LMAN2: variants seen among roughly 807,000 people sequenced by gnomAD.
LMAN2 encodes the protein vesicular integral-membrane protein VIP36.
Under a neutral mutation model 39.3 loss-of-function variants are expected in LMAN2, and 22 were observed. That is an observed-to-expected ratio of 0.56 (90% confidence interval 0.40 to 0.80). The LOEUF is 0.80. LMAN2 is among the 30% of genes least tolerant of loss of function. The pLI, the probability that LMAN2 is intolerant of heterozygous loss-of-function variation, is 0.00. For synonymous variants in LMAN2, 207 were observed against 207.8 expected (o/e 1.00, Z 0.03); for missense variants, 494 against 505.4 (o/e 0.98, Z 0.22).
Position 177,332,370 on chromosome 5 carries a change from C to G in LMAN2, c.911-124G>C, listed in dbSNP as rs1408222774. ...GTGGGCAGGCCGGTCGTACTCACCC[C>G]CCTCACCGGGGAGGGGCAGAGGTCA... On this transcript the variant is annotated intron_variant, in intron 7 of 7. Coordinates refer to ENST00000303127, the MANE Select transcript of LMAN2 (RefSeq NM_006816.3). The surrounding 1 kb of genome is among the most constrained non-coding windows in gnomAD (Gnocchi z 6.3). 3 of 863,546 alleles carry G rather than the reference C, an allele frequency of 3.5e-6. No homozygotes were observed. The highest frequency in any genetic ancestry group is 1.7e-5 in the African/African-American group (1 of 59,452). The allele number at this position is 863,546 out of a possible 1,614,324, so 53.5% of individuals were successfully genotyped here.
chr5:177,341,046 C>T (rs896794964), intron 2 of LMAN2, among the ~76,000 whole-genome samples: 4 of 149,242 alleles, frequency 2.7e-5, no homozygotes, highest in East Asian at 2.0e-4. Flanking sequence ...TGAGCCACCA[C>T]GCCCAGCCTT....
At chr5:177,343,240 C>A (rs968397763) in intron 2 of LMAN2, among the ~76,000 whole-genome samples, 1 of 152,000 alleles carries the variant, frequency 6.6e-6, no homozygotes, top group African/African-American at 2.4e-5. Flanking sequence ...GGCGACAGGG[C>A]GAGACTTCAT....
chr5:177,335,420 A>G (rs1761455650), intron 6 of LMAN2, among the ~76,000 whole-genome samples: 1 of 152,206 alleles, frequency 6.6e-6, no homozygotes, highest in Admixed American at 6.5e-5. Context: ...GGTGCCTGGC[A>G]CTGATGACCC....
At chr5:177,344,529 C>A (rs1761606315) in intron 2 of LMAN2, among the ~76,000 whole-genome samples, 1 of 151,698 alleles carries the variant, frequency 6.6e-6, no homozygotes, top group Non-Finnish European at 1.5e-5. Flanking sequence ...ATCCACCTAC[C>A]TCGGTCTCCC....
intron 2 of LMAN2, among the ~76,000 whole-genome samples, chr5:177,340,520 G>A (rs532321918): frequency 1.4e-4 from 22 of 152,272 alleles, no homozygotes; most frequent in African/African-American, 3.8e-4. Flanking sequence ...GCTCACGCCT[G>A]TAATCTCAGC....
In LMAN2 at chr5:177,334,524, A is replaced by G. The variant is rs532257360; in HGVS notation, c.791-121T>C. On this transcript the variant is annotated intron_variant, in intron 6 of 7. Coordinates refer to ENST00000303127, the MANE Select transcript of LMAN2 (RefSeq NM_006816.3). ...GTAAACCTGCCAGGCCCCTGGGGAG[A>G]GCACTGCCCAGCCGGCTAGGGCCTG... 23 of 1,355,096 alleles carry G rather than the reference A, an allele frequency of 1.7e-5. No homozygotes were observed. In the Admixed American group the frequency reaches 3.2e-4, roughly 19 times the overall value. The allele number at this position is 1,355,096 out of a possible 1,614,324, so 83.9% of individuals were successfully genotyped here.
At chr5:177,347,956 T>C (rs781149945) in intron 2 of LMAN2, among the ~76,000 whole-genome samples, 1 of 152,106 alleles carries the variant, frequency 6.6e-6, no homozygotes, top group Non-Finnish European at 1.5e-5. Context: ...CCATCTATAA[T>C]AGAAATTTAA....
rs573619830 is a variant in LMAN2, at chr5:177,338,833, C to A, written c.316-228G>T. On this transcript the variant is annotated intron_variant, in intron 2 of 7. Coordinates refer to ENST00000303127, the MANE Select transcript of LMAN2 (RefSeq NM_006816.3). ...AGGTGAGGTGGGGGAGGCCAGTGTT[C>A]CAAGGCTGCCTGAGGCCCAGACCCC... 4.6e-5 allele frequency among the ~76,000 whole-genome samples: 7 copies of A among 152,312 alleles called. No individual in the cohort carries two copies. In the South Asian group the frequency reaches 1.5e-3, roughly 32 times the overall value.
At chr5:177,335,521 C>T (rs1328951158) in intron 6 of LMAN2, among the ~76,000 whole-genome samples, 1 of 152,202 alleles carries the variant, frequency 6.6e-6, no homozygotes, top group African/African-American at 2.4e-5. Context: ...CCACCGGCCA[C>T]AGCACTGGTG....
chr5:177,351,600 G>A lies in LMAN2; in HGVS notation c.48C>T (p.Cys16=), dbSNP rs149538467. The A allele has an allele frequency of 1.1e-4, 183 of 1,610,578 alleles. 1 individual carries two copies. The African/African-American group carries it at 2.2e-3, about 20-fold the overall frequency. Residue 16 remains cysteine, a synonymous_variant, in exon 1 of 8, where the codon TGC becomes TGT. Transcript: ENST00000303127. ...WIWRWGWGRR[C]LGRPGLLGPG... ...GGCCGAGAAGCCCAGGCCTTCCCAG[G>A]CACCGCCGGCCCCAGCCCCAACGCC... is the stretch of plus-strand genomic sequence containing the variant.
chr5:177,344,018 C>T (rs1002005685), intron 2 of LMAN2, among the ~76,000 whole-genome samples: 3 of 151,316 alleles, frequency 2.0e-5, no homozygotes, highest in Non-Finnish European at 2.9e-5. Flanking sequence ...GAGACCAGCC[C>T]GGGGCAGCAT....
intron 2 of LMAN2, among the ~76,000 whole-genome samples, chr5:177,350,388 T>G (rs1443080191): frequency 4.6e-5 from 7 of 152,188 alleles, no homozygotes; most frequent in Non-Finnish European, 1.0e-4. Flanking sequence ...TTCCCCTTTT[T>G]CCTCACCTTG....
chr5:177,340,009 T>G (rs936627996), intron 2 of LMAN2, among the ~76,000 whole-genome samples: 2 of 151,296 alleles, frequency 1.3e-5, no homozygotes, highest in East Asian at 3.9e-4. Context: ...GAGGAAACAG[T>G]GAGAGAGGCT....
rs1561603136 is a variant in LMAN2 at position 177,334,334 on chromosome 5, A to C, written c.860T>G (p.Ile287Ser). The change falls in exon 7 of 8, where the codon ATC becomes AGC. Residue 287 changes from isoleucine (I) to serine (S), a missense_variant. Ile to Ser is a moderately radical substitution (Grantham distance 142). Coordinates refer to ENST00000303127, the MANE Select transcript of LMAN2 (RefSeq NM_006816.3). ...GCTGGGCTCGATCTTGGTCCAGTCG[A>C]TGCTCTCCTCGTCGGGCGTGTGCTC... The part of the protein sequence containing the change: ...MVEHTPDEES[I>S]DWTKIEPSVN... 2 of 1,613,214 alleles carry C rather than the reference A, an allele frequency of 1.2e-6. No individual in the cohort carries two copies. Among genetic ancestry groups the C allele is most frequent in the Non-Finnish European group, 1.7e-6 (2 of 1,179,878 alleles).
In LMAN2 at chr5:177,351,633, G is replaced by A. The variant is rs779662412; in HGVS notation, c.15C>T (p.Gly5=). 113 of 1,591,552 alleles carry A rather than the reference G, an allele frequency of 7.1e-5. No homozygotes were observed. The highest frequency in any genetic ancestry group is 9.5e-5 in the Non-Finnish European group (111 of 1,171,662). The change falls in exon 1 of 8, where the codon GGC becomes GGT. Residue 5 remains glycine (G), a synonymous_variant. Coordinates refer to ENST00000303127, the MANE Select transcript of LMAN2 (RefSeq NM_006816.3). Reference sequence around the variant, plus strand: ...GGCCCCAGCCCCAACGCCAAATCCAGCCTTCCGCCGCCATTCTCCTCTCCT... The same window carrying A: ...GGCCCCAGCCCCAACGCCAAATCCAACCTTCCGCCGCCATTCTCCTCTCCT... The part of the protein sequence containing the change: MAAE[G]WIWRWGWGRR...
intron 3 of LMAN2, among the ~76,000 whole-genome samples, chr5:177,338,016 C>T (rs1232678430): frequency 6.6e-6 from 1 of 151,940 alleles, no homozygotes; most frequent in East Asian, 1.9e-4. Context: ...TGTGAGGGGA[C>T]TGAGGCAGAT....
At chr5:177,344,281 C>CTTTTTTTT (rs59101629) in intron 2 of LMAN2, among the ~76,000 whole-genome samples, 4 of 82,286 alleles carry the variant, frequency 4.9e-5, no homozygotes, top group South Asian at 3.8e-4. Context: ...CGCTTTGTTA[C>CTTTTTTTT]TTTTTTTTTT....
intron 2 of LMAN2, among the ~76,000 whole-genome samples, chr5:177,341,518 G>GT (rs1479745762): frequency 6.6e-6 from 1 of 152,218 alleles, no homozygotes; most frequent in Admixed American, 6.5e-5. Flanking sequence ...ATACAGGAAG[G>GT]TAACAGCCAG....
intron 2 of LMAN2, 63 bp downstream of exon 2, chr5:177,351,110 G>A: frequency 6.9e-7 from 1 of 1,449,102 alleles, no homozygotes; most frequent in Non-Finnish European, 9.7e-7. Flanking sequence ...GGTCTCAGCT[G>A]CTCGGGAGGC....
Sources: gnomAD v4.1 joint callset for allele counts (sites outside exome capture counted in the v4.1 genomes callset) on GRCh38, gnomAD v4.1.1 for gene constraint, Gnocchi (gnomAD v3.1) non-coding constraint, MANE v1.5 for transcripts, NCBI Gene and HGNC (gene_info 2026-07-23, HGNC 2026-07-21) for gene names.